C16orf89: variants seen among roughly 807,000 people sequenced by gnomAD.
C16orf89 encodes the protein chromosome 16 open reading frame 89, also known as UPF0764 protein C16orf89.
In C16orf89, 57 loss-of-function variants were observed where a neutral mutation model predicts 41.5. The ratio of observed to expected loss-of-function variants is 1.38; its 90% CI spans 1.11 to 1.71. The LOEUF (loss-of-function observed/expected upper bound fraction) is 1.71, where lower values mean the gene tolerates loss of function less well. Among genes scored for constraint, C16orf89 ranks in the 40% most tolerant of loss-of-function variants. The pLI is 0.00. For synonymous variants in C16orf89, 223 were observed against 190.6 expected (o/e 1.17, Z -1.40); for missense variants, 575 against 445.9 (o/e 1.29, Z -2.61).
Position 5,054,058 on chromosome 16 carries a change from T to C in C16orf89, c.868+1188A>G. Among the ~76,000 whole-genome samples the C allele has an allele frequency of 1.3e-5, 2 of 152,212 alleles. 1 individual carries two copies. Among genetic ancestry groups the C allele is most frequent in the Non-Finnish European group, 2.9e-5 (2 of 68,040 alleles). ...CCCCATCCCCAACCCGCCGAAGCTA[T>C]ACATCTGGAGGCCTAAGAATCTTCA... On this transcript the variant is annotated intron_variant, in intron 6 of 7. Coordinates refer to ENST00000472572, the MANE Select transcript of C16orf89 (RefSeq NM_001098514.3).
In C16orf89 at chr16:5,044,422, A is replaced by G; in HGVS notation, c.1012T>C (p.Tyr338His). 1 of 1,612,932 alleles carries G rather than the reference A, an allele frequency of 6.2e-7. No individual in the cohort carries two copies. Reference protein sequence around the residue: ...TAVAALGGFLYILAEYPPANR... With the variant: ...TAVAALGGFLHILAEYPPANR... ...GCTGGGGGGTATTCTGCCAGGATGT[A>G]TAGGAAGCCACCCAGGGCTGCCACT... Residue 338 changes from tyrosine (Y) to histidine (H), a missense_variant, in exon 8 of 8, where the codon TAC (tyrosine) becomes CAC (histidine). Transcript: ENST00000472572.
intron 7 of C16orf89, among the ~76,000 whole-genome samples, chr16:5,045,306 C>T (rs1956275028): frequency 6.6e-6 from 1 of 152,234 alleles, no homozygotes; most frequent in Non-Finnish European, 1.5e-5. Context: ...CCCCAGTGGC[C>T]TTCCTCTTAG....
chr16:5,046,857 C>T (rs1299068773), intron 7 of C16orf89, among the ~76,000 whole-genome samples: 1 of 152,090 alleles, frequency 6.6e-6, no homozygotes, highest in African/African-American at 2.4e-5. Flanking sequence ...AGTTTATTGT[C>T]GCAACCAGGA....
chr16:5,045,366 G>A (rs1956276304), intron 7 of C16orf89, among the ~76,000 whole-genome samples: 1 of 152,198 alleles, frequency 6.6e-6, no homozygotes, highest in Non-Finnish European at 1.5e-5. Flanking sequence ...CATGGAGTCA[G>A]AGTCTCAGGC....
intron 7 of C16orf89, chr16:5,044,800 C>T (rs1335063042): frequency 9.1e-6 from 11 of 1,206,950 alleles, no homozygotes; most frequent in East Asian, 1.1e-4. Context: ...GCCGAGATTG[C>T]GCCACTGTAC....
rs1440841744 is a variant in C16orf89 at position 5,062,042 on chromosome 16, T to C, written c.358+383A>G. 2.0e-5 allele frequency among the ~76,000 whole-genome samples: 3 copies of C among 152,186 alleles called. 1 individual carries two copies. Among genetic ancestry groups the C allele is most frequent in the Non-Finnish European group, 4.4e-5 (3 of 68,028 alleles). On this transcript the variant is annotated intron_variant, in intron 2 of 7. Coordinates refer to ENST00000472572, the MANE Select transcript of C16orf89 (RefSeq NM_001098514.3). ...TGACATTTAATGAAGTGGATTAAAA[T>C]AATTTGGTGACATGGGACACTACTG...
At position 5,065,744 on chromosome 16, in the gene C16orf89, A is replaced by G; in HGVS notation, c.165T>C (p.Pro55=). Residue 55 remains proline (P), a synonymous_variant, in exon 1 of 8, where the codon CCT becomes CCC. Transcript: ENST00000472572. ...CCACCATGCCATCCAGGTTGATTTC[A>G]GGCAGCCTCTGTTCTAGGAAGACGG... is the stretch of plus-strand genomic sequence containing the variant. ...RATVFLEQRL[P]EINLDGMVGV... 2 of 1,614,128 alleles carry G rather than the reference A, an allele frequency of 1.2e-6. No homozygotes were observed. The highest frequency in any genetic ancestry group is 8.5e-7 in the Non-Finnish European group (1 of 1,179,956).
rs866439684 is a variant in C16orf89, at chr16:5,065,516, C to T, written c.208+185G>A. Among the ~76,000 whole-genome samples, 5 of 152,172 alleles carry T rather than the reference C, an allele frequency of 3.3e-5. 1 individual carries two copies. The highest frequency in any genetic ancestry group is 7.3e-5 in the Non-Finnish European group (5 of 68,036). On this transcript the variant is annotated intron_variant, in intron 1 of 7. Transcript: ENST00000472572. ...AATCTTTCCTACTTCTAAAAAATTG[C>T]GTAACAGTTAGCTGGGCCACAGCCG...
At chr16:5,056,793 A>G (rs1956517228) in intron 4 of C16orf89, among the ~76,000 whole-genome samples, 1 of 152,230 alleles carries the variant, frequency 6.6e-6, no homozygotes, top group Non-Finnish European at 1.5e-5. Flanking sequence ...TATTGTATTT[A>G]TAAAAATATT....
intron 1 of C16orf89, among the ~76,000 whole-genome samples, chr16:5,063,096 T>A (rs1390698943): frequency 4.6e-5 from 7 of 152,070 alleles, no homozygotes; most frequent in African/African-American, 1.2e-4. Context: ...AGTGGCTTTG[T>A]TGAGGTGGGA....
chr16:5,050,559 A>G (rs1330856368), intron 6 of C16orf89, among the ~76,000 whole-genome samples: 2 of 152,228 alleles, frequency 1.3e-5, no homozygotes, highest in African/African-American at 2.4e-5. Flanking sequence ...TTTACCAAAT[A>G]TTTAAAGAAC....
At chr16:5,045,947 C>T (rs1037221689) in intron 7 of C16orf89, among the ~76,000 whole-genome samples, 5 of 152,270 alleles carry the variant, frequency 3.3e-5, no homozygotes, top group Middle Eastern at 6.8e-3. Flanking sequence ...CTGTGGCTTC[C>T]GCTCCAGTCC....
chr16:5,058,773 C>G (rs1956560422), intron 3 of C16orf89, among the ~76,000 whole-genome samples, 163 bp from the exon 4 acceptor site: 1 of 152,074 alleles, frequency 6.6e-6, no homozygotes, highest in African/African-American at 2.4e-5. Flanking sequence ...TTTTGATTTG[C>G]TAAATCTGGC....
chr16:5,064,868 C>T (rs1047137799), intron 1 of C16orf89, among the ~76,000 whole-genome samples: 2 of 152,182 alleles, frequency 1.3e-5, no homozygotes, highest in Non-Finnish European at 2.9e-5. Flanking sequence ...CCCCTCCCTT[C>T]TTTGCTAAAA....
intron 7 of C16orf89, among the ~76,000 whole-genome samples, chr16:5,047,204 T>C (rs1956312986): frequency 6.6e-6 from 1 of 152,180 alleles, no homozygotes; most frequent in African/African-American, 2.4e-5. Flanking sequence ...CCTCCTGCCA[T>C]TCTCCAGCTC....
Position 5,062,452 on chromosome 16 carries a change from T to C in C16orf89, c.331A>G (p.Lys111Glu), listed in dbSNP as rs1406079908. 3 of 1,613,852 alleles carry C rather than the reference T, an allele frequency of 1.9e-6. No individual in the cohort carries two copies. The African/African-American group carries it at 4.0e-5, about 22-fold the overall frequency. Residue 111 changes from lysine to glutamate, a missense_variant, in exon 2 of 8, where the codon AAG becomes GAG. Transcript: ENST00000472572. Reference protein sequence around the residue: ...AAIQRSLHYLKLSDPKYLREF... With the variant: ...AAIQRSLHYLELSDPKYLREF... ...CTTAGGTACTTGGGATCACTCAGCT[T>C]GAGGTAGTGGAGGGATCTCTGGATG...
intron 7 of C16orf89, chr16:5,044,851 A>C: frequency 3.2e-6 from 4 of 1,259,686 alleles, no homozygotes; most frequent in Non-Finnish European, 4.1e-6. Flanking sequence ...CTCAAAAAAA[A>C]AAAAAGTGCT....
At chr16:5,052,055 CTG>C (rs1956406332) in intron 6 of C16orf89, among the ~76,000 whole-genome samples, 1 of 136,680 alleles carries the variant, frequency 7.3e-6, no homozygotes, top group Non-Finnish European at 1.5e-5. Flanking sequence ...GTGAGCAAGA[CTG>C]TGCTACGGCA....
At chr16:5,061,048 G>A (rs914637705) in intron 2 of C16orf89, among the ~76,000 whole-genome samples, 2 of 150,174 alleles carry the variant, frequency 1.3e-5, no homozygotes, top group African/African-American at 2.5e-5. Context: ...ATCACTTGAG[G>A]TCAGGAGTTC....
Sources: allele counts gnomAD v4.1 joint callset (sites outside exome capture counted in the v4.1 genomes callset), GRCh38; gene constraint gnomAD v4.1.1; transcripts MANE v1.5; gene names NCBI Gene and HGNC (gene_info 2026-07-23, HGNC 2026-07-21).